ZNF432: variants seen among roughly 807,000 people sequenced by gnomAD.
The protein encoded by ZNF432 is zinc finger protein 432.
In ZNF432, 10 loss-of-function variants were observed where a neutral mutation model predicts 13.9. The ratio of observed to expected loss-of-function variants is 0.72; its 90% confidence interval spans 0.44 to 1.22. ZNF432 has a LOEUF of 1.22. Among genes scored for constraint, ZNF432 ranks in the 50% most tolerant of loss-of-function variants. The pLI is 0.00. For missense variants in ZNF432, 793 were observed against 796.2 expected (o/e 1.00, Z 0.05); for synonymous variants, 247 against 256.2 (o/e 0.96, Z 0.34).
chr19:52,043,903 G>C (rs940040691), intron 2 of ZNF432, among the ~76,000 whole-genome samples: 2 of 152,084 alleles, frequency 1.3e-5, no homozygotes, highest in Non-Finnish European at 2.9e-5. Flanking sequence ...TCCCCCTCTC[G>C]GAGAAACACC....
At chr19:52,036,501 A>C (rs771840611) in intron 4 of ZNF432, among the ~76,000 whole-genome samples, 2 of 152,262 alleles carry the variant, frequency 1.3e-5, no homozygotes, top group Non-Finnish European at 2.9e-5. Context: ...TCTGATAATG[A>C]GATGGCAAAT....
At chr19:52,037,075 G>C (rs991169213) in intron 4 of ZNF432, among the ~76,000 whole-genome samples, 3 of 152,176 alleles carry the variant, frequency 2.0e-5, no homozygotes, top group African/African-American at 7.2e-5. Context: ...CCCTGTTAGA[G>C]GAACCAAACT....
intron 2 of ZNF432, among the ~76,000 whole-genome samples, chr19:52,044,380 G>GA (rs1181762859): frequency 6.7e-6 from 1 of 149,440 alleles, no homozygotes. Context: ...AGCCATAAAG[G>GA]AAAAAAAAGG....
In ZNF432 at chr19:52,034,404, T is replaced by C. The variant is rs1324064427; in HGVS notation, c.1275A>G (p.Val425=). Residue 425 remains valine (V), a synonymous_variant, in exon 5 of 5, where the codon GTA becomes GTG. Transcript: ENST00000221315. The stretch of plus-strand genomic sequence containing the variant: ...ATTCACTACATAGATATGACTTCTC[T>C]ACTGTATGATTTCTCTGATGTACAA... ...NLIVHQRNHT[V]EKSYLCSECG... The C allele has an allele frequency of 1.2e-6, 2 of 1,614,046 alleles. No homozygotes were observed. The highest frequency in any genetic ancestry group is 1.7e-6 in the Non-Finnish European group (2 of 1,180,004).
rs146750106 is a variant in ZNF432, at chr19:52,034,502, G to A, written c.1177C>T (p.Arg393Ter). The A allele has an allele frequency of 4.3e-5, 69 of 1,613,786 alleles. No individual in the cohort carries two copies. In the East Asian group the frequency reaches 6.9e-4, roughly 16 times the overall value. Residue 393 changes from arginine to a stop codon, truncating the protein, a stop_gained, in exon 5 of 5, where the codon CGA (arginine) becomes TGA (stop). Transcript: ENST00000221315. LOFTEE classifies it low-confidence loss of function (END_TRUNC). ...TMKSRMIEHQ[R>*]THTGEKPYIC... ...TAGGGTTTCTCTCCTGTATGAGTTCGTTGATGTTCGATCATACGGCTCTTC... is the reference window on the plus strand; with the variant it reads ...TAGGGTTTCTCTCCTGTATGAGTTCATTGATGTTCGATCATACGGCTCTTC...
At chr19:52,040,387 C>A in intron 4 of ZNF432, 101 bp downstream of exon 4, 1 of 1,031,680 alleles carries the variant, frequency 9.7e-7, no homozygotes, top group Non-Finnish European at 1.5e-6. Flanking sequence ...AAAACGATTC[C>A]CATTCCTAAT....
chr19:52,045,372 T>TC (rs141719573), intron 2 of ZNF432, among the ~76,000 whole-genome samples: 19,131 of 142,518 alleles, frequency 0.13, 1,738 homozygotes, highest in South Asian at 0.27. Flanking sequence ...TTTTTTTTTT[T>TC]CGAGACGGAG....
rs1290259966 is a variant in ZNF432 at position 52,033,790 on chromosome 19, CATT to C, written c.1886_1888del (p.Glu629_Cys630delinsGly). ...TCTCTTTGAGGAGAAGGCTTTTCTACATTCACTGCATACAAAGGGTTTCTCTCC... is the reference window on the plus strand; with the variant it reads ...TCTCTTTGAGGAGAAGGCTTTTCTACCACTGCATACAAAGGGTTTCTCTCC... On this transcript the variant is annotated inframe_deletion, in exon 5 of 5. Transcript: ENST00000221315. 7.5e-6 allele frequency: 12 copies of C among 1,610,272 alleles called. No individual in the cohort carries two copies. The highest frequency in any genetic ancestry group is 9.3e-6 in the Non-Finnish European group (11 of 1,178,986).
chr19:52,046,105 A>C (rs896522234), intron 2 of ZNF432, among the ~76,000 whole-genome samples: 1 of 150,654 alleles, frequency 6.6e-6, no homozygotes, highest in Non-Finnish European at 1.5e-5. Flanking sequence ...CAAGAATTGG[A>C]GGTGAAAATG....
At chr19:52,039,686 G>A (rs2087115554) in intron 4 of ZNF432, among the ~76,000 whole-genome samples, 1 of 151,828 alleles carries the variant, frequency 6.6e-6, no homozygotes, top group South Asian at 2.1e-4. Flanking sequence ...CAAATTAGCT[G>A]GGCATGATGG....
chr19:52,043,776 G>C (rs999972963), intron 2 of ZNF432, among the ~76,000 whole-genome samples: 1 of 152,236 alleles, frequency 6.6e-6, no homozygotes, highest in African/African-American at 2.4e-5. Flanking sequence ...ATGTTTATGT[G>C]TATGCGTATC....
chr19:52,036,898 TGG>T, intron 4 of ZNF432, among the ~76,000 whole-genome samples: 1 of 152,302 alleles, frequency 6.6e-6, no homozygotes, highest in Admixed American at 6.5e-5. Context: ...CTTGAACTCT[TGG>T]GCTCAAGTGA....
In ZNF432 at chr19:52,035,261, T is replaced by G. The variant is rs374426063; in HGVS notation, c.418A>C (p.Asn140His). Residue 140 changes from asparagine to histidine, a missense_variant, in exon 5 of 5, where the codon AAT becomes CAT. Asn to His is a moderately conservative substitution (Grantham distance 68). Transcript: ENST00000221315. ...FELYIKTLKS[N>H]LSLVNQNKSC... ...TTGTTCTGGTTGACTAAACTTAAAT[T>G]TGATTTCAAAGTTTTTATATATAAC... is the stretch of plus-strand genomic sequence containing the variant. 3.1e-5 allele frequency: 49 copies of G among 1,604,862 alleles called. No homozygotes were observed. The highest frequency in any genetic ancestry group is 4.0e-5 in the Non-Finnish European group (47 of 1,177,544).
rs922076217 is a variant in ZNF432, at chr19:52,032,251, TAATA to T, written c.*1465_*1468del. On this transcript the variant is annotated 3_prime_UTR_variant, in exon 5 of 5. Coordinates refer to ENST00000221315, the MANE Select transcript of ZNF432 (RefSeq NM_014650.4). ...TTTGGGGCCTATAATATGTAAGAACTAATAAATAACACCAGATTGGCACAGAAAA... is the reference window on the plus strand; with the variant it reads ...TTTGGGGCCTATAATATGTAAGAACTAATAACACCAGATTGGCACAGAAAA... The T allele has an allele frequency of 3.9e-5, 6 of 152,092 alleles. No individual in the cohort carries two copies. Among genetic ancestry groups the T allele is most frequent in the East Asian group, 1.9e-4 (1 of 5,192 alleles). 9.4% of individuals were successfully genotyped at this position (152,092 alleles called of 1,614,324 possible). A position where few individuals can be genotyped will look rare whatever the true frequency, so the allele number is the denominator to read the frequency against.
chr19:52,039,842 A>AG (rs1349093375), intron 4 of ZNF432, among the ~76,000 whole-genome samples: 3 of 150,980 alleles, frequency 2.0e-5, no homozygotes, highest in East Asian at 3.9e-4. Flanking sequence ...AAAAAAAAAA[A>AG]AAAAGAAAAG....
At chr19:52,038,239 G>T (rs951897333) in intron 4 of ZNF432, among the ~76,000 whole-genome samples, 3 of 147,492 alleles carry the variant, frequency 2.0e-5, no homozygotes, top group African/African-American at 7.4e-5. Flanking sequence ...CCAACTTGAA[G>T]CCAATCTTTT....
At chr19:52,038,547 C>T (rs2087105966) in intron 4 of ZNF432, among the ~76,000 whole-genome samples, 1 of 152,200 alleles carries the variant, frequency 6.6e-6, no homozygotes, top group South Asian at 2.1e-4. Flanking sequence ...ACCTAGGCCT[C>T]CCAAAGTGCT....
rs773778911 is a variant in ZNF432, at chr19:52,035,204, T to G, written c.475A>C (p.Ser159Arg). ...TGAAGAAATGATTTCCCATCTCCAC[T>G]AAATTTAGTAGAGTTGTTAATTTCA... ...SCEINNSTKF[S>R]GDGKSFLHGN... Residue 159 changes from serine (S) to arginine (R), a missense_variant, in exon 5 of 5, where the codon AGT (serine) becomes CGT (arginine). Ser to Arg is a moderately radical substitution (Grantham distance 110). Coordinates refer to ENST00000221315, the MANE Select transcript of ZNF432 (RefSeq NM_014650.4). The G allele has an allele frequency of 4.3e-6, 7 of 1,611,692 alleles. No homozygotes were observed. The highest frequency in any genetic ancestry group is 5.9e-6 in the Non-Finnish European group (7 of 1,179,474).
In ZNF432 at chr19:52,034,391, GAT is replaced by G. The variant is rs1477864110; in HGVS notation, c.1286_1287del (p.Tyr429SerfsTer3). On this transcript the variant is annotated frameshift_variant, in exon 5 of 5. Coordinates refer to ENST00000221315, the MANE Select transcript of ZNF432 (RefSeq NM_014650.4). LOFTEE classifies it low-confidence loss of function (END_TRUNC). Reference protein sequence around the residue: ...HQRNHTVEKSYLCSECGKGFT... With the variant: ...HQRNHTVEKSXLCSECGKGFT... ...AAACCTTTTCCACATTCACTACATA[GAT>G]ATGACTTCTCTACTGTATGATTTCT... 1.9e-6 allele frequency: 3 copies of G among 1,610,596 alleles called. No homozygotes were observed. The South Asian group carries it at 3.3e-5, about 18-fold the overall frequency.
Sources: allele counts gnomAD v4.1 joint callset (sites outside exome capture counted in the v4.1 genomes callset), GRCh38; gene constraint gnomAD v4.1.1; transcripts MANE v1.5; gene names NCBI Gene and HGNC (gene_info 2026-07-23, HGNC 2026-07-21).